The following GLI3 variants were observed in gnomAD, a reference collection of about 807,000 sequenced individuals.
The protein encoded by GLI3 is transcription activator GLI3.
A neutral mutation model predicts 100.8 loss-of-function variants in GLI3; 20 were observed. The ratio of observed to expected loss-of-function variants is 0.20; its 90% confidence interval spans 0.14 to 0.29. The LOEUF is 0.29. Ranked by LOEUF, GLI3 falls within the 10% of genes least tolerant of loss-of-function variation. GLI3 has a pLI of 1.00. For missense variants in GLI3, 2,040 were observed against 2,128.5 expected (o/e 0.96, Z 0.82); for synonymous variants, 938 against 860.5 (o/e 1.09, Z -1.58).
chr7:42,202,080 C>CAAAAAA (rs35682171), intron 2 of GLI3, among the ~76,000 whole-genome samples: 1 of 92,202 alleles, frequency 1.1e-5, no homozygotes. Flanking sequence ...GACTCCGTCT[C>CAAAAAA]AAAAAAAAAA....
intron 2 of GLI3, among the ~76,000 whole-genome samples, chr7:42,173,805 G>A (rs547318958): frequency 2.6e-5 from 4 of 152,176 alleles, no homozygotes; most frequent in African/African-American, 4.8e-5. Flanking sequence ...CAAAGTACAC[G>A]CTAAGAGAAC....
intron 7 of GLI3, among the ~76,000 whole-genome samples, chr7:42,029,661 GTC>G (rs1432554053): frequency 6.6e-6 from 1 of 152,062 alleles, no homozygotes; most frequent in Non-Finnish European, 1.5e-5. Flanking sequence ...CACTCACAGT[GTC>G]CCCTGCCTGG....
intron 10 of GLI3, among the ~76,000 whole-genome samples, chr7:41,984,090 G>A (rs769340997): frequency 4.6e-5 from 7 of 152,162 alleles, no homozygotes; most frequent in South Asian, 2.1e-4. Context: ...TTCTTTTAAC[G>A]GAGTTTCTTT....
At chr7:42,109,602 A>T (rs1785655165) in intron 3 of GLI3, among the ~76,000 whole-genome samples, 2 of 152,250 alleles carry the variant, frequency 1.3e-5, no homozygotes, top group South Asian at 4.1e-4. Flanking sequence ...GACAGTGAAA[A>T]TAACGAATGA....
intron 2 of GLI3, among the ~76,000 whole-genome samples, chr7:42,149,675 A>C (rs1562759024): frequency 6.6e-6 from 1 of 152,232 alleles, no homozygotes; most frequent in East Asian, 1.9e-4. Context: ...TTAAAAAAAA[A>C]CTGTATTTGG....
chr7:41,992,202 G>A (rs555310303), intron 10 of GLI3, among the ~76,000 whole-genome samples: 1 of 152,222 alleles, frequency 6.6e-6, no homozygotes, highest in African/African-American at 2.4e-5. Context: ...AACTACAGCA[G>A]TAGCCAGGAG....
chr7:42,112,454 T>C (rs1785736442), intron 3 of GLI3, among the ~76,000 whole-genome samples: 1 of 152,192 alleles, frequency 6.6e-6, no homozygotes, highest in South Asian at 2.1e-4. Context: ...ATTATATATT[T>C]TAAATAACGA....
intron 3 of GLI3, among the ~76,000 whole-genome samples, chr7:42,077,156 T>A (rs1784896822): frequency 6.6e-6 from 1 of 152,102 alleles, no homozygotes; most frequent in Non-Finnish European, 1.5e-5. Context: ...AAAGACAGGC[T>A]GACCAGAGGA....
chr7:42,111,644 A>T (rs1785709511), intron 3 of GLI3, among the ~76,000 whole-genome samples: 3 of 152,208 alleles, frequency 2.0e-5, no homozygotes, highest in Admixed American at 2.0e-4. Flanking sequence ...AGCCAATATC[A>T]GGTGCATGAG....
intron 2 of GLI3, among the ~76,000 whole-genome samples, chr7:42,192,964 G>C (rs1787857794): frequency 6.6e-6 from 1 of 152,114 alleles, no homozygotes; most frequent in Non-Finnish European, 1.5e-5. Flanking sequence ...AGGCCCCAGG[G>C]GCCCAGCACC....
chr7:42,189,854 T>C (rs1317113797), intron 2 of GLI3, among the ~76,000 whole-genome samples: 8 of 152,128 alleles, frequency 5.3e-5, no homozygotes, highest in Non-Finnish European at 1.2e-4. Context: ...TCTGAATCAA[T>C]TACTCTTGAA....
intron 2 of GLI3, among the ~76,000 whole-genome samples, chr7:42,196,026 C>T (rs377569129): frequency 3.9e-5 from 6 of 152,082 alleles, no homozygotes; most frequent in Admixed American, 1.3e-4. Context: ...AGGTAAACAA[C>T]GTTAAACACA....
chr7:42,237,879 G>A (rs1041192026), upstream of GLI3: 3 of 149,576 alleles, frequency 2.0e-5, no homozygotes, highest in Non-Finnish European at 3.0e-5. Flanking sequence ...CTGCGAGGCG[G>A]GCGGCGGCGG....
At chr7:42,004,142 A>T (rs1232780750) in intron 10 of GLI3, among the ~76,000 whole-genome samples, 1 of 152,210 alleles carries the variant, frequency 6.6e-6, no homozygotes, top group Non-Finnish European at 1.5e-5. Context: ...AACATTATCT[A>T]TGTTAACTGA....
chr7:42,078,759 T>C (rs1484881858), intron 3 of GLI3, among the ~76,000 whole-genome samples: 1 of 134,318 alleles, frequency 7.4e-6, no homozygotes, highest in Non-Finnish European at 1.5e-5. Flanking sequence ...AGACGGAGTC[T>C]CACTCAGTCA....
chr7:41,997,014 G>A (rs569071113), intron 10 of GLI3, among the ~76,000 whole-genome samples: 1 of 152,314 alleles, frequency 6.6e-6, no homozygotes, highest in South Asian at 2.1e-4. Flanking sequence ...CAGAAGAATT[G>A]GGATTTTTAT....
chr7:42,176,915 G>A (rs1787491804), intron 2 of GLI3, among the ~76,000 whole-genome samples: 1 of 152,182 alleles, frequency 6.6e-6, no homozygotes. Flanking sequence ...CCAGGCAGGG[G>A]GCCAAGCTGT....
chr7:42,259,943 A>C (rs1789122448), intron 1 of GLI3, among the ~76,000 whole-genome samples: 1 of 152,246 alleles, frequency 6.6e-6, no homozygotes, highest in Non-Finnish European at 1.5e-5. Flanking sequence ...TGTGGTATGC[A>C]TAGCATTGTA....
intron 4 of GLI3, among the ~76,000 whole-genome samples, chr7:42,067,285 G>A (rs1784695331): frequency 6.6e-6 from 1 of 152,160 alleles, no homozygotes; most frequent in African/African-American, 2.4e-5. Flanking sequence ...CTAGGAATAT[G>A]GGGATTTTGC....
Sources: gnomAD v4.1 joint callset for allele counts (sites outside exome capture counted in the v4.1 genomes callset) on GRCh38, gnomAD v4.1.1 for gene constraint, MANE v1.5 for transcripts, NCBI Gene and HGNC (gene_info 2026-07-23, HGNC 2026-07-21) for gene names.